Variants in BACH2 observed in about 807,000 individuals in gnomAD.
BACH2 encodes the protein BACH transcriptional regulator 2.
BACH2 carries 5 observed loss-of-function variants against 61.8 expected under a neutral mutation model. That is an observed-to-expected ratio of 0.08 (90% CI 0.04 to 0.17). The LOEUF is 0.17. BACH2 is among the 10% of genes least tolerant of loss of function. The pLI, the probability that BACH2 is intolerant of heterozygous loss-of-function variation, is 1.00. For synonymous variants in BACH2, 446 were observed against 440.1 expected (o/e 1.01, Z -0.17); for missense variants, 824 against 1,091.1 (o/e 0.76, Z 3.45).
At chr6:90,203,486 C>A (rs939417066) in intron 4 of BACH2, among the ~76,000 whole-genome samples, 2 of 150,502 alleles carry the variant, frequency 1.3e-5, no homozygotes, top group African/African-American at 2.4e-5. Context: ...CAAAAAGCTG[C>A]GAAGAATGTA....
In BACH2 at chr6:90,020,580, G is replaced by C. The variant is rs540094697; in HGVS notation, c.-12-11724C>G. ...CTCGAACTTGCCAGCCTCTAGAACT[G>C]TAAGAAATAATTTTCTTTATACATT... On this transcript the variant is annotated intron_variant, in intron 5 of 8. Transcript: ENST00000257749. Among the ~76,000 whole-genome samples, 24 of 129,650 alleles carry C rather than the reference G, an allele frequency of 1.9e-4. 1 individual carries two copies. Among genetic ancestry groups the C allele is most frequent in the Non-Finnish European group, 3.5e-4 (20 of 56,342 alleles). The allele number at this position is 129,650 out of a possible 152,430, so 85.1% of individuals were successfully genotyped here. A position where few individuals can be genotyped will look rare whatever the true frequency, so the allele number is the denominator to read the frequency against.
At chr6:90,229,110 A>G (rs1368715362) in intron 3 of BACH2, among the ~76,000 whole-genome samples, 2 of 152,202 alleles carry the variant, frequency 1.3e-5, no homozygotes, top group South Asian at 2.1e-4. Flanking sequence ...TCTGCTACAC[A>G]TCAGAATCAC....
intron 3 of BACH2, among the ~76,000 whole-genome samples, chr6:90,239,633 C>A (rs183025412): frequency 6.6e-5 from 10 of 152,304 alleles, no homozygotes; most frequent in Admixed American, 6.5e-4. Context: ...TATAGCCATA[C>A]ATGACTAAGA....
At chr6:90,029,540 C>T (rs1424392930) in intron 5 of BACH2, among the ~76,000 whole-genome samples, 8 of 152,182 alleles carry the variant, frequency 5.3e-5, no homozygotes, top group African/African-American at 9.6e-5. Context: ...ATCTCACACA[C>T]ACTATATTTT....
At chr6:90,101,047 T>G (rs1782604608) in intron 4 of BACH2, among the ~76,000 whole-genome samples, 1 of 152,198 alleles carries the variant, frequency 6.6e-6, no homozygotes, top group South Asian at 2.1e-4. Context: ...TTGTATATCT[T>G]TTTCTGAGAA....
intron 3 of BACH2, among the ~76,000 whole-genome samples, chr6:90,217,299 A>G (rs1769571809): frequency 6.6e-6 from 1 of 152,198 alleles, no homozygotes; most frequent in African/African-American, 2.4e-5. Flanking sequence ...TTCTATGGTC[A>G]CTAAAACCGT....
At chr6:90,203,192 C>G (rs1451787229) in intron 4 of BACH2, among the ~76,000 whole-genome samples, 1 of 151,830 alleles carries the variant, frequency 6.6e-6, no homozygotes, top group Non-Finnish European at 1.5e-5. Context: ...GGGAGGATTG[C>G]TTGAGTCCAG....
rs77506209 is a variant in BACH2, at chr6:90,230,304, G to A, written c.-275+22209C>T. On this transcript the variant is annotated intron_variant, in intron 3 of 8. Transcript: ENST00000257749. ...TATTGATCTCAGTGGATTATTGTAC[G>A]GATTTGGCATAACACCTGGTACATA... Among the ~76,000 whole-genome samples, 1,410 of 152,220 alleles carry A rather than the reference G, an allele frequency of 9.3e-3. 20 individuals are homozygous for A. Among genetic ancestry groups the A allele is most frequent in the African/African-American group, 0.032 (1,314 of 41,530 alleles).
intron 5 of BACH2, among the ~76,000 whole-genome samples, chr6:90,032,641 T>A (rs961933120): frequency 2.6e-5 from 4 of 151,822 alleles, no homozygotes; most frequent in Non-Finnish European, 5.9e-5. Context: ...GAAATGCAAA[T>A]CAAAACCACA....
At chr6:90,115,751 C>T (rs183589480) in intron 4 of BACH2, among the ~76,000 whole-genome samples, 245 of 151,976 alleles carry the variant, frequency 1.6e-3, no homozygotes, top group Non-Finnish European at 2.9e-3. Context: ...GAATGGAAGA[C>T]AATATTTGCA....
chr6:89,967,212 G>C (rs552811686), intron 6 of BACH2, among the ~76,000 whole-genome samples: 12 of 152,214 alleles, frequency 7.9e-5, no homozygotes, highest in African/African-American at 2.6e-4. Context: ...ACATGGCTTG[G>C]GACTGTTATG....
At chr6:90,194,122 A>C (rs117321102) in intron 4 of BACH2, among the ~76,000 whole-genome samples, 2,463 of 152,206 alleles carry the variant, frequency 0.016, 43 homozygotes, top group East Asian at 0.071. Context: ...CAAGTATGTA[A>C]AATTTTACTT....
intron 2 of BACH2, among the ~76,000 whole-genome samples, chr6:90,270,429 C>T (rs62408236): frequency 0.27 from 40,885 of 151,906 alleles, 6,027 homozygotes; most frequent in Non-Finnish European, 0.34. Flanking sequence ...ATACACCAAC[C>T]GTGACCATGC....
chr6:90,085,098 A>G (rs1406892941), intron 5 of BACH2, among the ~76,000 whole-genome samples: 1 of 152,188 alleles, frequency 6.6e-6, no homozygotes, highest in African/African-American at 2.4e-5. Context: ...TGTGTTCCTC[A>G]CAGGACTACC....
At chr6:90,213,681 T>C (rs114741188) in intron 3 of BACH2, among the ~76,000 whole-genome samples, 1,736 of 152,290 alleles carry the variant, frequency 0.011, 42 homozygotes, top group African/African-American at 0.04. Context: ...CTTTTGAGGA[T>C]TGTTTTGAGC....
intron 6 of BACH2, among the ~76,000 whole-genome samples, chr6:89,980,761 T>C (rs1440448568): frequency 1.3e-5 from 2 of 152,268 alleles, no homozygotes; most frequent in Non-Finnish European, 2.9e-5. Flanking sequence ...ACACTTCTTA[T>C]TTCTTAATAT....
chr6:89,942,937 C>T (rs957894471), intron 7 of BACH2, among the ~76,000 whole-genome samples: 6 of 152,204 alleles, frequency 3.9e-5, no homozygotes, highest in African/African-American at 1.2e-4. Flanking sequence ...CTGCTAAGCA[C>T]GGCTATAGGA....
intron 3 of BACH2, among the ~76,000 whole-genome samples, chr6:90,228,501 T>G (rs1269317945): frequency 6.6e-6 from 1 of 152,190 alleles, no homozygotes; most frequent in Non-Finnish European, 1.5e-5. Flanking sequence ...CAGCACTTTT[T>G]GGGAGGTCAA....
chr6:90,289,264 C>T (rs1216722216), intron 1 of BACH2, among the ~76,000 whole-genome samples: 2 of 152,046 alleles, frequency 1.3e-5, no homozygotes, highest in Non-Finnish European at 2.9e-5. Flanking sequence ...AGAGAACAGG[C>T]CCAAGCATCA....
Sources: allele counts gnomAD v4.1 joint callset (sites outside exome capture counted in the v4.1 genomes callset), GRCh38; gene constraint gnomAD v4.1.1; transcripts MANE v1.5; gene names NCBI Gene and HGNC (gene_info 2026-07-23, HGNC 2026-07-21).